The following AGBL1 variants were observed in gnomAD, a reference collection of about 807,000 sequenced individuals.
AGBL1 encodes the protein cytosolic carboxypeptidase 4.
Under a neutral mutation model 118.9 loss-of-function variants are expected in AGBL1, and 130 were observed. The ratio of observed to expected loss-of-function variants is 1.09; its 90% CI spans 0.95 to 1.26. The LOEUF is 1.26. Ranked by LOEUF, AGBL1 falls within the 50% of genes most tolerant of loss-of-function variation. The pLI is 0.00. For missense variants in AGBL1, 1,584 were observed against 1,298.1 expected, an observed-to-expected ratio of 1.22 and a Z score of -3.38; for synonymous variants, 555 against 478.9, an observed-to-expected ratio of 1.16 and a Z score of -2.08.
intron 17 of AGBL1, among the ~76,000 whole-genome samples, chr15:86,343,305 G>A (rs1329263028): frequency 1.3e-5 from 1 of 75,836 alleles, no homozygotes; most frequent in African/African-American, 3.7e-5. Context: ...CTTCCTCCTT[G>A]GCTATGAATC....
intron 5 of AGBL1, among the ~76,000 whole-genome samples, chr15:86,212,982 G>A (rs12899718): frequency 2.0e-5 from 3 of 152,162 alleles, no homozygotes; most frequent in African/African-American, 7.2e-5. Context: ...CATATCATCT[G>A]AGTTTTAATG....
chr15:86,882,035 T>C (rs1291688950), intron 22 of AGBL1, among the ~76,000 whole-genome samples: 1 of 152,106 alleles, frequency 6.6e-6, no homozygotes, highest in Non-Finnish European at 1.5e-5. Context: ...ACCATATCGG[T>C]TACCTTTCAG....
chr15:86,595,152 A>G (rs1426197622), intron 21 of AGBL1, among the ~76,000 whole-genome samples: 2 of 152,248 alleles, frequency 1.3e-5, no homozygotes, highest in East Asian at 1.9e-4. Flanking sequence ...GTTCTTGGTC[A>G]TCTTCTCCTC....
In AGBL1 at chr15:86,080,026, A is replaced by C; in HGVS notation, c.51+3A>C. Reference sequence around the variant, plus strand: ...AGGTCCTGCTGCACACGCTTCAGGTAGGAAAGGGTAGAGTGGGTGCAGAAC... The same window carrying C: ...AGGTCCTGCTGCACACGCTTCAGGTCGGAAAGGGTAGAGTGGGTGCAGAAC... On this transcript the variant is annotated splice_donor_region_variant and intron_variant, in intron 1 of 22. Transcript: ENST00000614907. The C allele has an allele frequency of 4.9e-6, 6 of 1,232,188 alleles. No individual in the cohort carries two copies. Among genetic ancestry groups the C allele is most frequent in the Non-Finnish European group, 5.1e-6 (5 of 987,994 alleles). 76.3% of individuals were successfully genotyped at this position (1,232,188 alleles called of 1,614,324 possible). A position where few individuals can be genotyped will look rare whatever the true frequency, so the allele number is the denominator to read the frequency against.
chr15:86,316,026 A>G (rs561786214), intron 17 of AGBL1, among the ~76,000 whole-genome samples: 302 of 152,336 alleles, frequency 2.0e-3, no homozygotes, highest in Middle Eastern at 0.014. Context: ...CTAAAGCACT[A>G]TCTCATTCAT....
At chr15:86,329,341 C>T (rs974685179) in intron 17 of AGBL1, among the ~76,000 whole-genome samples, 4 of 151,616 alleles carry the variant, frequency 2.6e-5, no homozygotes, top group Non-Finnish European at 1.5e-5. Flanking sequence ...GCCCCATGTC[C>T]AGGTAGATCT....
chr15:86,758,647 A>G (rs2077977138), intron 22 of AGBL1, among the ~76,000 whole-genome samples: 1 of 151,994 alleles, frequency 6.6e-6, no homozygotes, highest in Admixed American at 6.6e-5. Context: ...GTTCTGATCC[A>G]GGTGCCGAGG....
At chr15:86,816,383 T>C (rs1371637774) in intron 22 of AGBL1, among the ~76,000 whole-genome samples, 1 of 152,224 alleles carries the variant, frequency 6.6e-6, no homozygotes, top group Non-Finnish European at 1.5e-5. Flanking sequence ...CACCCGGCTA[T>C]TTCCTTTCAG....
intron 17 of AGBL1, among the ~76,000 whole-genome samples, chr15:86,320,680 G>A (rs1353577): frequency 0.56 from 85,519 of 151,738 alleles, 24,458 homozygotes; most frequent in Middle Eastern, 0.69. Context: ...TGCTCTTAAC[G>A]TCTTACTATT....
chr15:86,720,303 ACCAGGCTCAAAT>A (rs1403882631), intron 22 of AGBL1, among the ~76,000 whole-genome samples: 13 of 152,294 alleles, frequency 8.5e-5, no homozygotes, highest in Non-Finnish European at 1.6e-4. Flanking sequence ...CTACCCAGTT[ACCAGGCTCAAAT>A]CCTGGGGGTC....
At chr15:86,390,487 G>T (rs532119472) in intron 17 of AGBL1, among the ~76,000 whole-genome samples, 3 of 152,102 alleles carry the variant, frequency 2.0e-5, no homozygotes, top group African/African-American at 7.2e-5. Flanking sequence ...GAACTCAAAT[G>T]TCTATCAAGA....
intron 18 of AGBL1, among the ~76,000 whole-genome samples, chr15:86,469,477 ATC>A (rs2082450814): frequency 6.6e-6 from 1 of 152,084 alleles, no homozygotes; most frequent in Admixed American, 6.5e-5. Context: ...TTATCCATTC[ATC>A]TCTCCATGGA....
intron 19 of AGBL1, among the ~76,000 whole-genome samples, chr15:86,529,089 C>G (rs1164040411): frequency 3.9e-5 from 1 of 25,344 alleles, no homozygotes; most frequent in Non-Finnish European, 6.1e-5. Flanking sequence ...TCACCAGCAA[C>G]GGAACAAAGC....
chr15:86,309,233 C>G (rs529793568), intron 17 of AGBL1, among the ~76,000 whole-genome samples: 1 of 152,174 alleles, frequency 6.6e-6, no homozygotes, highest in Non-Finnish European at 1.5e-5. Flanking sequence ...TGTATAGAAA[C>G]ACTGCTGATT....
At chr15:86,705,144 G>C (rs867847075) in intron 22 of AGBL1, among the ~76,000 whole-genome samples, 4 of 152,108 alleles carry the variant, frequency 2.6e-5, no homozygotes, top group Non-Finnish European at 5.9e-5. Flanking sequence ...TGGCTGGTGG[G>C]GGGCAAGGGG....
At chr15:86,314,846 G>A (rs1297355306) in intron 17 of AGBL1, among the ~76,000 whole-genome samples, 1 of 152,182 alleles carries the variant, frequency 6.6e-6, no homozygotes, top group Non-Finnish European at 1.5e-5. Context: ...TCAAGGGCAT[G>A]TTTTCCAGGA....
chr15:86,103,223 G>T lies in AGBL1; in HGVS notation c.51+23200G>T, dbSNP rs1896837160. Among the ~76,000 whole-genome samples, 5 of 152,038 alleles carry T rather than the reference G, an allele frequency of 3.3e-5. 1 individual carries two copies. In the South Asian group the frequency reaches 1.0e-3, roughly 32 times the overall value. ...ATTGTTTTTGTGATATATTTGTATT[G>T]TTCATCTGTGTTCTGTAGCATAACA... On this transcript the variant is annotated intron_variant, in intron 1 of 22. Coordinates refer to ENST00000614907, the MANE Select transcript of AGBL1 (RefSeq NM_001386094.1).
At chr15:86,775,421 A>G (rs1379638918) in intron 22 of AGBL1, among the ~76,000 whole-genome samples, 1 of 152,182 alleles carries the variant, frequency 6.6e-6, no homozygotes, top group East Asian at 1.9e-4. Context: ...AGTTCGCTCC[A>G]TGAAGAAAAA....
chr15:86,424,502 C>A (rs369444709), intron 18 of AGBL1, among the ~76,000 whole-genome samples: 2 of 152,056 alleles, frequency 1.3e-5, no homozygotes, highest in Non-Finnish European at 2.9e-5. Flanking sequence ...ACTAAAACAC[C>A]AAAAGCAATG....
Sources: allele counts gnomAD v4.1 joint callset (sites outside exome capture counted in the v4.1 genomes callset), GRCh38; gene constraint gnomAD v4.1.1; transcripts MANE v1.5; gene names NCBI Gene and HGNC (gene_info 2026-07-23, HGNC 2026-07-21).